DIP2A: variants seen among roughly 807,000 people sequenced by gnomAD.
The protein encoded by DIP2A is disco-interacting protein 2 homolog A.
In DIP2A, 85 loss-of-function variants were observed where a neutral mutation model predicts 177.4. The observed-to-expected ratio is 0.48, with a 90% CI of 0.40 to 0.57. The LOEUF is 0.57. Among genes scored for constraint, DIP2A ranks in the 20% least tolerant of loss-of-function variants. DIP2A has a pLI of 0.00. For missense variants in DIP2A, 1,791 were observed against 2,100.2 expected, an observed-to-expected ratio of 0.85 and a Z score of 2.88; for synonymous variants, 886 against 881.8, an observed-to-expected ratio of 1.00 and a Z score of -0.08.
chr21:46,505,659 G>C (rs1358956377), intron 6 of DIP2A, among the ~76,000 whole-genome samples: 1 of 152,186 alleles, frequency 6.6e-6, no homozygotes, highest in East Asian at 1.9e-4. Flanking sequence ...CTACAATCAA[G>C]ATAGTGACCA....
chr21:46,527,325 G>GTTTTTTTTTTTTTTT (rs58453285), intron 8 of DIP2A, among the ~76,000 whole-genome samples: 1 of 105,586 alleles, frequency 9.5e-6, no homozygotes, highest in Non-Finnish European at 1.8e-5. Context: ...TTGAGTTGAG[G>GTTTTTTTTTTTTTTT]TTTTTTTTTT....
At chr21:46,513,001 A>C (rs1219918610) in intron 8 of DIP2A, among the ~76,000 whole-genome samples, 1 of 152,094 alleles carries the variant, frequency 6.6e-6, no homozygotes, top group Non-Finnish European at 1.5e-5. Flanking sequence ...CTTTCCTGAG[A>C]TGCATGTTTT....
chr21:46,461,007 T>A (rs1314531700), intron 1 of DIP2A, among the ~76,000 whole-genome samples: 1 of 151,276 alleles, frequency 6.6e-6, no homozygotes, highest in African/African-American at 2.4e-5. Flanking sequence ...GGCACATTTT[T>A]AAAAATGGAA....
chr21:46,496,413 T>C (rs2057365355), intron 3 of DIP2A, among the ~76,000 whole-genome samples: 1 of 152,220 alleles, frequency 6.6e-6, no homozygotes, highest in Admixed American at 6.5e-5. Flanking sequence ...TTTCTGGAAG[T>C]AGAGGTTGAC....
At chr21:46,500,171 ACAT>A (rs2057573399) in intron 5 of DIP2A, among the ~76,000 whole-genome samples, 1 of 152,116 alleles carries the variant, frequency 6.6e-6, no homozygotes, top group Non-Finnish European at 1.5e-5. Flanking sequence ...TTTCCATTGA[ACAT>A]GTGTCCTTCT....
chr21:46,459,018 C>A lies in DIP2A; in HGVS notation c.-114C>A, dbSNP rs1184057180. The stretch of plus-strand genomic sequence containing the variant: ...CCCTGTCCCGCCGCCTCCCGCTCCT[C>A]GCCTGGCGGATGTAGGTTGTTGGCC... On this transcript the variant is annotated 5_prime_UTR_variant, in exon 1 of 38. Coordinates refer to ENST00000417564, the MANE Select transcript of DIP2A (RefSeq NM_015151.4). The A allele has an allele frequency of 4.5e-6, 4 of 887,446 alleles. No homozygotes were observed. Among genetic ancestry groups the A allele is most frequent in the Non-Finnish European group, 6.2e-6 (4 of 640,662 alleles). 55.0% of individuals were successfully genotyped at this position (887,446 alleles called of 1,614,324 possible).
chr21:46,540,027 A>T, intron 17 of DIP2A, 36 bp downstream of exon 17: 1 of 1,544,040 alleles, frequency 6.5e-7, no homozygotes, highest in Admixed American at 1.7e-5. Context: ...ATGAGCACTT[A>T]GTTGAATCTT....
chr21:46,508,662 G>A (rs2058145793), intron 6 of DIP2A, among the ~76,000 whole-genome samples: 1 of 151,828 alleles, frequency 6.6e-6, no homozygotes, highest in South Asian at 2.1e-4. Context: ...CATTACCATG[G>A]AATAGTCGTG....
chr21:46,506,075 G>A (rs554368938), intron 6 of DIP2A, among the ~76,000 whole-genome samples: 1 of 151,758 alleles, frequency 6.6e-6, no homozygotes, highest in Admixed American at 6.6e-5. Context: ...TTTCTTTTGG[G>A]TCAATACCTA....
At chr21:46,478,039 GTGT>G (rs1568929826) in intron 1 of DIP2A, among the ~76,000 whole-genome samples, 2 of 152,118 alleles carry the variant, frequency 1.3e-5, no homozygotes, top group East Asian at 1.9e-4. Flanking sequence ...GATTTCTGCT[GTGT>G]TGTTCTACTT....
chr21:46,511,338 T>C, intron 7 of DIP2A, 79 bp from the exon 8 acceptor site: 1 of 1,402,734 alleles, frequency 7.1e-7, no homozygotes, highest in Non-Finnish European at 9.6e-7. Context: ...AACAATATTA[T>C]AAACTATGAA....
At chr21:46,581,184 TA>T in the DIP2A span, among the ~76,000 whole-genome samples, 1 of 152,230 alleles carries the variant, frequency 6.6e-6, no homozygotes, top group Non-Finnish European at 1.5e-5. Flanking sequence ...CTGTCTTATT[TA>T]AGCAAGATAG....
chr21:46,459,280 AGCCCCTCACTCCGGGACCCCCGCGCG>A lies in DIP2A; in HGVS notation c.91+71_91+96del, dbSNP rs1253568456. 35 of 1,286,874 alleles carry A rather than the reference AGCCCCTCACTCCGGGACCCCCGCGCG, an allele frequency of 2.7e-5. 1 individual carries two copies. The highest frequency in any genetic ancestry group is 7.9e-5 in the East Asian group (2 of 25,432). 79.7% of individuals were successfully genotyped at this position (1,286,874 alleles called of 1,614,324 possible). On this transcript the variant is annotated intron_variant, in intron 1 of 37. Transcript: ENST00000417564. The stretch of plus-strand genomic sequence containing the variant: ...CCGCCCTCAGCCCGGTCCCCCGCGC[AGCCCCTCACTCCGGGACCCCCGCGCG>A]GCCCCTCACTCCAGGACCCCCGCCC...
At chr21:46,495,132 TCTCC>T (rs2057235111) in intron 3 of DIP2A, among the ~76,000 whole-genome samples, 1 of 152,058 alleles carries the variant, frequency 6.6e-6, no homozygotes, top group African/African-American at 2.4e-5. Flanking sequence ...CATCTCTCTC[TCTCC>T]CTCCCTCCCT....
rs561666831 is a variant in DIP2A, at chr21:46,567,660, C to G, written c.*38C>G. On this transcript the variant is annotated 3_prime_UTR_variant, in exon 38 of 38. Transcript: ENST00000417564. ...GGCCCAGGTGCCGGAGATGAATGAG[C>G]CCCAGCAGTCCAAGGTGTGATGTGG... 2 of 1,550,918 alleles carry G rather than the reference C, an allele frequency of 1.3e-6. No individual in the cohort carries two copies. The highest frequency in any genetic ancestry group is 4.5e-5 in the East Asian group (2 of 44,336).
chr21:46,560,926 G>A (rs2060641113), intron 33 of DIP2A, 143 bp downstream of exon 33: 1 of 1,475,818 alleles, frequency 6.8e-7, no homozygotes, highest in East Asian at 2.5e-5. Flanking sequence ...ACCTGGATGG[G>A]CACATGAGAG....
chr21:46,570,551 T>C (rs1215683802), downstream of DIP2A, among the ~76,000 whole-genome samples: 2 of 152,248 alleles, frequency 1.3e-5, no homozygotes, highest in African/African-American at 2.4e-5. Flanking sequence ...GTTATTTGTA[T>C]TTTGGTTCTA....
At chr21:46,491,873 A>G (rs2057035721) in intron 3 of DIP2A, among the ~76,000 whole-genome samples, 1 of 152,182 alleles carries the variant, frequency 6.6e-6, no homozygotes, top group Non-Finnish European at 1.5e-5. Context: ...TATCTTTTGA[A>G]TACAGGTCTT....
In DIP2A at chr21:46,556,139, G is replaced by A. The variant is rs545865135; in HGVS notation, c.3498+48G>A. On this transcript the variant is annotated intron_variant, in intron 29 of 37. Coordinates refer to ENST00000417564, the MANE Select transcript of DIP2A (RefSeq NM_015151.4). The surrounding 1 kb of genome is among the most constrained non-coding windows in gnomAD (Gnocchi z 4.5). ...TGCTTCAGCCCCTAGAAATCAGGAG[G>A]AGTGGACAGAAAGGATGTCAGATGC... 1 of 1,535,154 alleles carries A rather than the reference G, an allele frequency of 6.5e-7. No individual in the cohort carries two copies. The highest frequency in any genetic ancestry group is 2.2e-5 in the East Asian group (1 of 44,462).
Sources: allele counts gnomAD v4.1 joint callset (sites outside exome capture counted in the v4.1 genomes callset), GRCh38; gene constraint gnomAD v4.1.1; non-coding constraint Gnocchi (gnomAD v3.1); transcripts MANE v1.5; gene names NCBI Gene and HGNC (gene_info 2026-07-23, HGNC 2026-07-21).